PTPRT: variants seen among roughly 807,000 people sequenced by gnomAD.
The protein encoded by PTPRT is receptor-type tyrosine-protein phosphatase T.
A neutral mutation model predicts 176.8 loss-of-function variants in PTPRT; 56 were observed. The observed-to-expected ratio is 0.32, with a 90% CI of 0.26 to 0.40. The LOEUF is 0.40. PTPRT is among the 10% of genes least tolerant of loss of function. The pLI is 1.00. For synonymous variants in PTPRT, 783 were observed against 739.0 expected (o/e 1.06, Z -0.96); for missense variants, 1,540 against 1,908.2 (o/e 0.81, Z 3.60).
At chr20:42,932,916 G>T (rs1979954010) in intron 1 of PTPRT, among the ~76,000 whole-genome samples, 1 of 152,118 alleles carries the variant, frequency 6.6e-6, no homozygotes, top group South Asian at 2.1e-4. Context: ...TGAAACAAGG[G>T]TCCTCATCTT....
chr20:42,562,179 A>G (rs1306580347), intron 7 of PTPRT, among the ~76,000 whole-genome samples: 1 of 152,230 alleles, frequency 6.6e-6, no homozygotes, highest in Non-Finnish European at 1.5e-5. Flanking sequence ...ATGAATTTCT[A>G]TACATTCACA....
At chr20:42,397,877 C>A (rs2058866959) in intron 9 of PTPRT, among the ~76,000 whole-genome samples, 1 of 152,176 alleles carries the variant, frequency 6.6e-6, no homozygotes, top group Non-Finnish European at 1.5e-5. Context: ...CTGCTCTCCA[C>A]AGTGGCTGGA....
At position 43,185,316 on chromosome 20, in the gene PTPRT, T is replaced by G. The variant is rs574157057; in HGVS notation, c.88+4330A>C. ...TTTATCAAGTGCACAAAGTATCTTT[T>G]TCCCCCACAGCCCCAGAGTGCTGTG... On this transcript the variant is annotated intron_variant, in intron 1 of 30. Transcript: ENST00000373187. Among the ~76,000 whole-genome samples, 3 of 152,334 alleles carry G rather than the reference T, an allele frequency of 2.0e-5. No homozygotes were observed. In the East Asian group the frequency reaches 5.8e-4, roughly 29 times the overall value.
At chr20:42,322,640 C>A (rs2057817067) in intron 11 of PTPRT, among the ~76,000 whole-genome samples, 1 of 151,358 alleles carries the variant, frequency 6.6e-6, no homozygotes, top group East Asian at 1.9e-4. Flanking sequence ...AATGTTAGAC[C>A]TAAAACCATA....
rs141273402 is a variant in PTPRT, at chr20:43,141,058, G to A, written c.88+48588C>T. ...GCACAAATGCCAGGCTGATAATCTCGATAATATTTCACAGTCCCTGATAAA... is the reference window on the plus strand; with the variant it reads ...GCACAAATGCCAGGCTGATAATCTCAATAATATTTCACAGTCCCTGATAAA... On this transcript the variant is annotated intron_variant, in intron 1 of 30. Transcript: ENST00000373187. 4.4e-4 allele frequency among the ~76,000 whole-genome samples: 67 copies of A among 152,256 alleles called. No individual in the cohort carries two copies. In the South Asian group the frequency reaches 7.1e-3, roughly 16 times the overall value.
intron 7 of PTPRT, among the ~76,000 whole-genome samples, chr20:42,523,225 T>C (rs189938768): frequency 6.6e-6 from 1 of 152,298 alleles, no homozygotes; most frequent in Admixed American, 6.5e-5. Flanking sequence ...CTGAAGCCCA[T>C]ACGATGCCTT....
intron 6 of PTPRT, among the ~76,000 whole-genome samples, chr20:42,728,813 C>T (rs2076418007): frequency 6.6e-6 from 1 of 152,136 alleles, no homozygotes; most frequent in Non-Finnish European, 1.5e-5. Context: ...CTGGCCAGGC[C>T]ACGAGCACCT....
chr20:42,988,888 G>A (rs1465948726), intron 1 of PTPRT, among the ~76,000 whole-genome samples: 1 of 152,226 alleles, frequency 6.6e-6, no homozygotes, highest in Admixed American at 6.5e-5. Context: ...TGATGGAATA[G>A]TAATAGCTAC....
rs551268319 is a variant in PTPRT, at chr20:42,852,057, C to CT, written c.214+33749dup. On this transcript the variant is annotated intron_variant, in intron 2 of 30. Transcript: ENST00000373187. ...TTTTATTTCACTAGCCACTAAATTG[C>CT]TTATAGTATTAAGTTATTTTATAAC... 7.0e-4 allele frequency among the ~76,000 whole-genome samples: 106 copies of CT among 152,224 alleles called. 1 individual carries two copies. Among genetic ancestry groups the CT allele is most frequent in the African/African-American group, 2.4e-3 (100 of 41,532 alleles).
intron 7 of PTPRT, among the ~76,000 whole-genome samples, chr20:42,633,837 T>C (rs1343991227): frequency 1.1e-5 from 1 of 91,060 alleles, no homozygotes; most frequent in Non-Finnish European, 1.9e-5. Context: ...ATTAATATAT[T>C]ATAATAATAT....
At chr20:43,013,421 C>G (rs1400393896) in intron 1 of PTPRT, among the ~76,000 whole-genome samples, 1 of 152,152 alleles carries the variant, frequency 6.6e-6, no homozygotes, top group Non-Finnish European at 1.5e-5. Flanking sequence ...CTTTTGTGCC[C>G]AGAGGGTGTG....
At chr20:42,977,218 C>T (rs1983005812) in intron 1 of PTPRT, among the ~76,000 whole-genome samples, 1 of 152,078 alleles carries the variant, frequency 6.6e-6, no homozygotes, top group South Asian at 2.1e-4. Context: ...TATTTGGTAC[C>T]ACATTCTTTC....
At chr20:42,062,411 G>A in the PTPRT span, among the ~76,000 whole-genome samples, 1 of 152,322 alleles carries the variant, frequency 6.6e-6, no homozygotes, top group South Asian at 2.1e-4. Context: ...GAAGAATCAG[G>A]GCTGCCATTC....
Position 42,165,338 on chromosome 20 carries a change from G to A in PTPRT, c.2492-3796C>T, listed in dbSNP as rs116856870. 3.0e-4 allele frequency among the ~76,000 whole-genome samples: 45 copies of A among 152,306 alleles called. No individual in the cohort carries two copies. In the East Asian group the frequency reaches 8.3e-3, roughly 28 times the overall value. ...CGTTAGATATTGTGTTCATACAGCA[G>A]GGAGGTATGTTCAGGGAGAAATAAG... On this transcript the variant is annotated intron_variant, in intron 16 of 30. Coordinates refer to ENST00000373187, the MANE Select transcript of PTPRT (RefSeq NM_007050.6).
the PTPRT span, among the ~76,000 whole-genome samples, chr20:42,039,199 T>C: frequency 6.6e-6 from 1 of 152,214 alleles, no homozygotes; most frequent in Non-Finnish European, 1.5e-5. Flanking sequence ...AATTAATTTA[T>C]TTTAAAAATG....
intron 27 of PTPRT, among the ~76,000 whole-genome samples, chr20:42,095,631 TTTGC>T (rs1985129826): frequency 6.6e-6 from 1 of 152,250 alleles, no homozygotes; most frequent in South Asian, 2.1e-4. Context: ...TGCCTTCTTG[TTTGC>T]CTTTTTCCAA....
chr20:42,392,425 G>C (rs986769879), intron 9 of PTPRT, among the ~76,000 whole-genome samples: 1 of 148,970 alleles, frequency 6.7e-6, no homozygotes, highest in Non-Finnish European at 1.5e-5. Flanking sequence ...CTTTCTTTTG[G>C]TATTTCTCAA....
chr20:43,029,360 T>C (rs1986043190), intron 1 of PTPRT, among the ~76,000 whole-genome samples: 1 of 152,158 alleles, frequency 6.6e-6, no homozygotes, highest in African/African-American at 2.4e-5. Flanking sequence ...CAACAAGCAA[T>C]TGTGATTGGA....
chr20:43,022,142 TAGTC>T (rs1342333673), intron 1 of PTPRT, among the ~76,000 whole-genome samples: 1 of 152,212 alleles, frequency 6.6e-6, no homozygotes, highest in African/African-American at 2.4e-5. Flanking sequence ...TTTTCCAAAA[TAGTC>T]AGAATTTTCT....
Sources: allele counts gnomAD v4.1 joint callset (sites outside exome capture counted in the v4.1 genomes callset), GRCh38; gene constraint gnomAD v4.1.1; transcripts MANE v1.5; gene names NCBI Gene and HGNC (gene_info 2026-07-23, HGNC 2026-07-21).